The following DOCK10 variants were observed in gnomAD, a reference collection of about 807,000 sequenced individuals.
DOCK10 encodes dedicator of cytokinesis 10.
In DOCK10, 145 loss-of-function variants were observed where a neutral mutation model predicts 280.1. The ratio of observed to expected loss-of-function variants is 0.52; its 90% CI spans 0.45 to 0.59. The LOEUF (loss-of-function observed/expected upper bound fraction) is 0.59, where lower values mean the gene tolerates loss of function less well. Among genes scored for constraint, DOCK10 ranks in the 20% least tolerant of loss-of-function variants. The probability of loss-of-function intolerance (pLI) is 0.00; values close to 1 mark genes in which losing one functional copy is unlikely to be tolerated. For missense variants in DOCK10, 2,368 were observed against 2,651.7 expected (o/e 0.89, Z 2.35); for synonymous variants, 915 against 942.2 (o/e 0.97, Z 0.53).
intron 15 of DOCK10, 22 bp from the exon 16 acceptor site, chr2:224,855,064 G>GACACACAC (rs60658292): frequency 0.079 from 45,132 of 571,880 alleles, 1,751 homozygotes; most frequent in African/African-American, 0.17. Flanking sequence ...CATGAGCAAG[G>GACACACAC]ACACACACAC....
intron 7 of DOCK10, among the ~76,000 whole-genome samples, chr2:224,878,761 G>A (rs1398365023): frequency 2.0e-5 from 3 of 152,214 alleles, no homozygotes; most frequent in South Asian, 2.1e-4. Context: ...CCATACTTTT[G>A]TATTACCATC....
At chr2:224,875,858 ATG>A (rs1228630481) in intron 8 of DOCK10, among the ~76,000 whole-genome samples, 178 bp downstream of exon 8, 3 of 152,106 alleles carry the variant, frequency 2.0e-5, no homozygotes, top group African/African-American at 7.2e-5. Flanking sequence ...AATTGTACTT[ATG>A]TGTGGTGGCC....
chr2:224,778,406 T>G, intron 50 of DOCK10, 122 bp from the exon 51 acceptor site: 1 of 897,214 alleles, frequency 1.1e-6, no homozygotes, highest in South Asian at 1.4e-5. Flanking sequence ...ATCCATTGGT[T>G]AACACCCTAT....
intron 1 of DOCK10, among the ~76,000 whole-genome samples, chr2:225,025,607 G>C (rs1163212356): frequency 2.0e-5 from 3 of 152,128 alleles, no homozygotes; most frequent in African/African-American, 7.2e-5. Context: ...TTCATGAAAG[G>C]CAATAATTAA....
chr2:224,869,186 T>C (rs1425065740), intron 11 of DOCK10, among the ~76,000 whole-genome samples: 1 of 152,218 alleles, frequency 6.6e-6, no homozygotes, highest in East Asian at 1.9e-4. Flanking sequence ...TCTACTGTGA[T>C]GTAGCTTTAT....
intron 2 of DOCK10, among the ~76,000 whole-genome samples, chr2:224,918,861 CGT>C (rs1223634565): frequency 8.5e-6 from 1 of 117,998 alleles, no homozygotes; most frequent in Non-Finnish European, 1.7e-5. Context: ...GTGTGTGTGG[CGT>C]GTGTGAGTGT....
Position 224,814,525 on chromosome 2 carries a change from G to T in DOCK10, c.3365-161C>A, listed in dbSNP as rs185007132. Among the ~76,000 whole-genome samples, 6 of 152,116 alleles carry T rather than the reference G, an allele frequency of 3.9e-5. No individual in the cohort carries two copies. The East Asian group carries it at 1.2e-3, about 29-fold the overall frequency. The stretch of plus-strand genomic sequence containing the variant: ...TCAAGGAGAATGTCTTAGGTTATTT[G>T]TTTCCTTTTTTTTTGAAACAGAATC... On this transcript the variant is annotated intron_variant, in intron 30 of 55. Transcript: ENST00000258390.
intron 29 of DOCK10, 51 bp from the exon 30 acceptor site, chr2:224,816,764 AT>A (rs2125297270): frequency 9.6e-7 from 1 of 1,039,338 alleles, no homozygotes; most frequent in East Asian, 2.5e-5. Flanking sequence ...AAGAAACTGA[AT>A]AAAAACAAAC....
intron 7 of DOCK10, among the ~76,000 whole-genome samples, chr2:224,884,424 C>A (rs1699157664): frequency 6.6e-6 from 1 of 152,136 alleles, no homozygotes; most frequent in African/African-American, 2.4e-5. Flanking sequence ...GAGTCCTGGA[C>A]CTCAGTGAGC....
intron 50 of DOCK10, among the ~76,000 whole-genome samples, chr2:224,783,079 G>A (rs774036783): frequency 6.6e-6 from 1 of 152,246 alleles, no homozygotes; most frequent in Non-Finnish European, 1.5e-5. Context: ...TCTCCATGTG[G>A]TGTCTTGAGA....
chr2:224,821,168 T>A (rs1204237132), intron 28 of DOCK10, among the ~76,000 whole-genome samples: 1 of 152,254 alleles, frequency 6.6e-6, no homozygotes, highest in Admixed American at 6.5e-5. Context: ...TAAGGGAGGC[T>A]ACCTTTTAAT....
At chr2:224,941,374 G>GT (rs1703059880) in intron 1 of DOCK10, among the ~76,000 whole-genome samples, 1 of 152,084 alleles carries the variant, frequency 6.6e-6, no homozygotes, top group South Asian at 2.1e-4. Flanking sequence ...AAACAGAAAT[G>GT]CTTTTTCTTC....
intron 28 of DOCK10, 56 bp from the exon 29 acceptor site, chr2:224,819,585 T>C: frequency 6.2e-6 from 7 of 1,124,658 alleles, no homozygotes; most frequent in Non-Finnish European, 8.9e-6. Context: ...TCATTAAAGA[T>C]TTTAGAAAAT....
At chr2:224,965,516 TG>T (rs1257565191) in intron 1 of DOCK10, among the ~76,000 whole-genome samples, 1 of 152,230 alleles carries the variant, frequency 6.6e-6, no homozygotes, top group Non-Finnish European at 1.5e-5. Flanking sequence ...TGAAACCTCA[TG>T]GCACTTTTCT....
At position 224,970,575 on chromosome 2, in the gene DOCK10, C is replaced by T. The variant is rs920981884; in HGVS notation, c.124-38907G>A. Among the ~76,000 whole-genome samples the T allele has an allele frequency of 1.3e-5, 2 of 152,126 alleles. No individual in the cohort carries two copies. The highest frequency in any genetic ancestry group is 4.8e-5 in the African/African-American group (2 of 41,426). On this transcript the variant is annotated intron_variant, in intron 1 of 55. Transcript: ENST00000258390. This position sits in a 1 kb window ranked among gnomAD's most constrained non-coding sequence, Gnocchi z 4.6. ...ATAGAATTCTATAAACCCTTCAATC[C>T]GAAGAGATTACAACAAAGTGATTTT...
intron 1 of DOCK10, among the ~76,000 whole-genome samples, chr2:225,017,666 A>G (rs540846657): frequency 1.3e-5 from 2 of 151,072 alleles, no homozygotes; most frequent in Non-Finnish European, 2.9e-5. Context: ...AGAACTGTCT[A>G]GCCAAAGAAG....
rs1433189041 is a variant in DOCK10, at chr2:224,916,804, G to T, written c.244-20C>A. 6.3e-7 allele frequency: 1 copy of T among 1,590,058 alleles called. No homozygotes were observed. Among genetic ancestry groups the T allele is most frequent in the East Asian group, 2.3e-5 (1 of 44,348 alleles). On this transcript the variant is annotated intron_variant, in intron 2 of 55. Coordinates refer to ENST00000258390, the MANE Select transcript of DOCK10 (RefSeq NM_014689.3). ...GGCTGCCTGAAACGAACAATGAAAA[G>T]AAATTGAGTCCTCCGGCTTAGAAGT...
rs1399818502 is a variant in DOCK10 at position 224,797,090 on chromosome 2, T to C, written c.4701A>G (p.Glu1567=). Residue 1567 remains glutamate, a synonymous_variant, in exon 43 of 56, where the codon GAA becomes GAG. Transcript: ENST00000258390. Reference sequence around the variant, plus strand: ...ACCTGTGGTTACAGCATTTTAGGACTTCGTAACAGAATGATCCACAGAGGT... The same window carrying C: ...ACCTGTGGTTACAGCATTTTAGGACCTCGTAACAGAATGATCCACAGAGGT... ...PADLCGSFCY[E]VLKCCNHRSR... 1 of 1,613,448 alleles carries C rather than the reference T, an allele frequency of 6.2e-7. No individual in the cohort carries two copies.
chr2:225,017,806 A>G (rs1689658632), intron 1 of DOCK10, among the ~76,000 whole-genome samples: 1 of 152,102 alleles, frequency 6.6e-6, no homozygotes, highest in South Asian at 2.1e-4. Context: ...TTAATCATTG[A>G]TGAAATCATC....
Sources: gnomAD v4.1 joint callset for allele counts (sites outside exome capture counted in the v4.1 genomes callset) on GRCh38, gnomAD v4.1.1 for gene constraint, Gnocchi (gnomAD v3.1) non-coding constraint, MANE v1.5 for transcripts, NCBI Gene and HGNC (gene_info 2026-07-23, HGNC 2026-07-21) for gene names.